The following CCDC7 variants were observed in gnomAD, a reference collection of about 807,000 sequenced individuals.
CCDC7 encodes the protein coiled-coil domain containing 7.
In CCDC7, 183 loss-of-function variants were observed where a neutral mutation model predicts 196.9. The observed-to-expected ratio is 0.93, with a 90% CI of 0.82 to 1.05. The LOEUF is 1.05. CCDC7 is among the 50% of genes least tolerant of loss of function. The pLI is 0.00. For synonymous variants in CCDC7, 525 were observed against 484.6 expected (o/e 1.08, Z -1.10); for missense variants, 1,540 against 1,482.2 (o/e 1.04, Z -0.64).
chr10:32,708,700 G>T (rs1399448560), intron 24 of CCDC7, among the ~76,000 whole-genome samples: 2 of 152,172 alleles, frequency 1.3e-5, no homozygotes, highest in African/African-American at 2.4e-5. Context: ...CATTTATGCA[G>T]CCAAAAAACA....
Position 32,871,431 on chromosome 10 carries a change from G to T in CCDC7, c.4112-4916G>T, listed in dbSNP as rs1593687119. On this transcript the variant is annotated intron_variant, in intron 41 of 41. Coordinates refer to ENST00000639629, the Ensembl canonical transcript of CCDC7. ...CTCTGATGGTAGTTTGTATTTCTGT[G>T]GGATCAGTGGTGATATCCCCTTTAT... is the stretch of plus-strand genomic sequence containing the variant. Among the ~76,000 whole-genome samples the T allele has an allele frequency of 2.6e-5, 4 of 152,028 alleles. No homozygotes were observed. The South Asian group carries it at 8.3e-4, about 32-fold the overall frequency.
At chr10:32,602,982 G>T (rs1367605081) in intron 18 of CCDC7, among the ~76,000 whole-genome samples, 1 of 151,948 alleles carries the variant, frequency 6.6e-6, no homozygotes, top group Non-Finnish European at 1.5e-5. Context: ...TATTTTATGG[G>T]CTATTTTGAA....
chr10:32,600,499 C>T (rs149172603), intron 18 of CCDC7, among the ~76,000 whole-genome samples: 22 of 152,102 alleles, frequency 1.4e-4, no homozygotes, highest in East Asian at 1.2e-3. Flanking sequence ...ATCATATCAT[C>T]GGCAAACAAA....
rs138771635 is a variant in CCDC7, at chr10:32,756,367, G to A, written c.2906-22610G>A. ...AAGGGCAGCCAGAGAGAAAGGTCGC[G>A]TTACCCACAAAGGGAAGGCCATCAG... On this transcript the variant is annotated intron_variant, in intron 28 of 41. Transcript: ENST00000639629. Among the ~76,000 whole-genome samples, 124 of 152,306 alleles carry A rather than the reference G, an allele frequency of 8.1e-4. 1 individual carries two copies. The East Asian group carries it at 0.012, about 15-fold the overall frequency.
At chr10:32,700,679 A>C (rs1170170143) in intron 24 of CCDC7, among the ~76,000 whole-genome samples, 1 of 152,178 alleles carries the variant, frequency 6.6e-6, no homozygotes, top group Non-Finnish European at 1.5e-5. Context: ...GATTCTTCCT[A>C]TCCATGAGCA....
chr10:32,828,549 GAAGAAGAAGAAA>G (rs2091732255), intron 32 of CCDC7, among the ~76,000 whole-genome samples: 6 of 148,004 alleles, frequency 4.1e-5, no homozygotes, highest in African/African-American at 1.5e-4. Context: ...AGAAGAAGAA[GAAGAAGAAGAAA>G]GAAGAAGAAG....
At chr10:32,760,127 A>G (rs1234287915) in intron 28 of CCDC7, among the ~76,000 whole-genome samples, 2 of 152,132 alleles carry the variant, frequency 1.3e-5, no homozygotes. Flanking sequence ...AGAAATAGGA[A>G]CACTTTTACA....
At chr10:32,468,920 A>C (rs1422916194) in intron 5 of CCDC7, among the ~76,000 whole-genome samples, 1 of 152,222 alleles carries the variant, frequency 6.6e-6, no homozygotes, top group African/African-American at 2.4e-5. Context: ...ATTAACAGAG[A>C]TACATGTGGA....
Position 32,584,221 on chromosome 10 carries a change from T to C in CCDC7, c.1729-11T>C, listed in dbSNP as rs1418571639. ...AATTTCTAATTACTTATTACAACTT[T>C]TGTTATTAAGGCTGATGTTTCAGAA... On this transcript the variant is annotated splice_polypyrimidine_tract_variant and intron_variant, in intron 17 of 41. Coordinates refer to ENST00000639629, the Ensembl canonical transcript of CCDC7. 6.6e-7 allele frequency: 1 copy of C among 1,520,808 alleles called. No homozygotes were observed. Among genetic ancestry groups the C allele is most frequent in the Admixed American group, 1.9e-5 (1 of 53,028 alleles). The allele number at this position is 1,520,808 out of a possible 1,614,324, so 94.2% of individuals were successfully genotyped here. A position where few individuals can be genotyped will look rare whatever the true frequency, so the allele number is the denominator to read the frequency against.
intron 29 of CCDC7, among the ~76,000 whole-genome samples, chr10:32,795,251 C>T (rs549055723): frequency 9.7e-4 from 147 of 152,186 alleles, no homozygotes; most frequent in African/African-American, 3.2e-3. Context: ...AGGCAATCTT[C>T]GTTCCATGTC....
chr10:32,445,956 C>T (rs1209455595), upstream of CCDC7, among the ~76,000 whole-genome samples: 1 of 152,238 alleles, frequency 6.6e-6, no homozygotes, highest in Non-Finnish European at 1.5e-5. Context: ...TGGAATTACA[C>T]TTGGGAGAGA....
chr10:32,642,922 G>C (rs548522903), intron 20 of CCDC7, among the ~76,000 whole-genome samples: 1 of 152,276 alleles, frequency 6.6e-6, no homozygotes, highest in South Asian at 2.1e-4. Flanking sequence ...AGCAGTAAAT[G>C]TAATGATGAA....
At chr10:32,668,479 C>A (rs1193701714) in intron 21 of CCDC7, among the ~76,000 whole-genome samples, 1 of 152,066 alleles carries the variant, frequency 6.6e-6, no homozygotes, top group African/African-American at 2.4e-5. Flanking sequence ...CAGTTTTTGC[C>A]CATTCAGTAT....
At chr10:32,817,301 GAAAC>G (rs1209676760) in intron 31 of CCDC7, among the ~76,000 whole-genome samples, 13 of 152,118 alleles carry the variant, frequency 8.5e-5, no homozygotes, top group South Asian at 2.1e-4. Flanking sequence ...AGAATAAAAA[GAAAC>G]AAACAAAGCC....
At chr10:32,731,297 C>G (rs2083926250) in intron 28 of CCDC7, among the ~76,000 whole-genome samples, 1 of 152,020 alleles carries the variant, frequency 6.6e-6, no homozygotes, top group South Asian at 2.1e-4. Context: ...AGTCATATCT[C>G]TAATAAAGAA....
At chr10:32,640,867 TTTTTTTTTC>T (rs1435071877) in intron 20 of CCDC7, among the ~76,000 whole-genome samples, 2 of 65,002 alleles carry the variant, frequency 3.1e-5, no homozygotes, top group African/African-American at 6.5e-5. Flanking sequence ...AGATTTTCTT[TTTTTTTTTC>T]TTTTTTTTTT....
intron 21 of CCDC7, among the ~76,000 whole-genome samples, chr10:32,683,498 T>A (rs1475687966): frequency 6.6e-6 from 1 of 152,198 alleles, no homozygotes; most frequent in Non-Finnish European, 1.5e-5. Flanking sequence ...TCCATATGAA[T>A]TTTAGAATAG....
chr10:32,799,696 T>C (rs1024356540), intron 29 of CCDC7, among the ~76,000 whole-genome samples: 4 of 152,210 alleles, frequency 2.6e-5, no homozygotes, highest in Non-Finnish European at 5.9e-5. Context: ...CCCTGAATTT[T>C]AGTTGGATTT....
At chr10:32,597,314 G>T (rs1238106626) in intron 18 of CCDC7, among the ~76,000 whole-genome samples, 1 of 152,114 alleles carries the variant, frequency 6.6e-6, no homozygotes, top group Non-Finnish European at 1.5e-5. Flanking sequence ...GATCAAATCG[G>T]CTACTGAAGT....
Sources: gnomAD v4.1 joint callset for allele counts (sites outside exome capture counted in the v4.1 genomes callset) on GRCh38, gnomAD v4.1.1 for gene constraint, MANE v1.5 for transcripts, NCBI Gene and HGNC (gene_info 2026-07-23, HGNC 2026-07-21) for gene names.